Variants in ME3 observed in about 807,000 individuals in gnomAD.
ME3 encodes the protein NADP-dependent malic enzyme, mitochondrial.
Under a neutral mutation model 68.9 loss-of-function variants are expected in ME3, and 48 were observed. That is an observed-to-expected ratio of 0.70 (90% CI 0.55 to 0.89). The LOEUF (loss-of-function observed/expected upper bound fraction) is 0.89, where lower values mean the gene tolerates loss of function less well. ME3 is among the 40% of genes least tolerant of loss of function. The pLI is 0.00. For synonymous variants in ME3, 320 were observed against 318.8 expected (o/e 1.00, Z -0.04); for missense variants, 675 against 797.4 (o/e 0.85, Z 1.85).
chr11:86,633,859 G>A (rs1052731135), intron 2 of ME3, among the ~76,000 whole-genome samples: 8 of 152,132 alleles, frequency 5.3e-5, no homozygotes, highest in South Asian at 2.1e-4. Flanking sequence ...TGGGCTCAAC[G>A]CAGTTAAATG....
intron 2 of ME3, among the ~76,000 whole-genome samples, chr11:86,626,001 C>T (rs1189206358): frequency 6.6e-6 from 1 of 152,138 alleles, no homozygotes; most frequent in East Asian, 1.9e-4. Context: ...AGTATTCATC[C>T]ATATTTTCAC....
At chr11:86,621,020 G>T (rs1262451996) in intron 2 of ME3, among the ~76,000 whole-genome samples, 1 of 152,136 alleles carries the variant, frequency 6.6e-6, no homozygotes, top group East Asian at 1.9e-4. Context: ...CCAAAGTAAG[G>T]TCTGGGTTGG....
chr11:86,515,328 T>C (rs1953816841), intron 4 of ME3, among the ~76,000 whole-genome samples: 1 of 152,226 alleles, frequency 6.6e-6, no homozygotes, highest in African/African-American at 2.4e-5. Context: ...CATAATGCTC[T>C]TGCAACACTA....
At chr11:86,664,648 A>G (rs1206570822) in intron 2 of ME3, among the ~76,000 whole-genome samples, 2 of 152,180 alleles carry the variant, frequency 1.3e-5, no homozygotes, top group African/African-American at 2.4e-5. Flanking sequence ...AAATACAGAA[A>G]TTCCGAGCAG....
intron 2 of ME3, among the ~76,000 whole-genome samples, chr11:86,608,204 TGCA>T (rs1412213955): frequency 6.6e-6 from 1 of 152,184 alleles, no homozygotes; most frequent in African/African-American, 2.4e-5. Flanking sequence ...AAAGTTCAGC[TGCA>T]GCTCATTATT....
intron 4 of ME3, among the ~76,000 whole-genome samples, chr11:86,528,210 T>C (rs997638086): frequency 5.9e-5 from 9 of 152,132 alleles, no homozygotes; most frequent in African/African-American, 1.9e-4. Flanking sequence ...GCAATCCTAA[T>C]CTCTGATAAA....
chr11:86,471,229 G>A (rs1450911038), intron 7 of ME3, among the ~76,000 whole-genome samples: 1 of 134,804 alleles, frequency 7.4e-6, no homozygotes, highest in Non-Finnish European at 1.5e-5. Flanking sequence ...TCCACCTCCC[G>A]GGTTCAAGCA....
intron 2 of ME3, among the ~76,000 whole-genome samples, chr11:86,640,665 C>T (rs17149245): frequency 0.095 from 14,397 of 152,310 alleles, 703 homozygotes; most frequent in South Asian, 0.13. Flanking sequence ...AGCTATCTCA[C>T]TTTGCCTCTT....
At chr11:86,483,612 A>C (rs751911) in intron 7 of ME3, among the ~76,000 whole-genome samples, 4,165 of 152,284 alleles carry the variant, frequency 0.027, 73 homozygotes, top group Middle Eastern at 0.034. Context: ...CCTAGAGCTA[A>C]AAAGTAGATG....
At chr11:86,488,195 A>G (rs1347413931) in intron 6 of ME3, among the ~76,000 whole-genome samples, 6 of 152,160 alleles carry the variant, frequency 3.9e-5, no homozygotes, top group South Asian at 4.1e-4. Flanking sequence ...AAAAGAAGAA[A>G]AAATGAATGT....
chr11:86,527,085 C>T (rs1003516297), intron 4 of ME3, among the ~76,000 whole-genome samples: 4 of 152,108 alleles, frequency 2.6e-5, no homozygotes, highest in African/African-American at 4.8e-5. Context: ...GGAGGAAGTT[C>T]GAACCCATGG....
chr11:86,475,376 T>C (rs747832058), intron 7 of ME3, among the ~76,000 whole-genome samples: 4 of 152,192 alleles, frequency 2.6e-5, no homozygotes, highest in Non-Finnish European at 5.9e-5. Flanking sequence ...TGAGGCCTTC[T>C]TAGAAGCTGA....
At chr11:86,640,429 A>G (rs1273121118) in intron 2 of ME3, among the ~76,000 whole-genome samples, 4 of 152,210 alleles carry the variant, frequency 2.6e-5, no homozygotes, top group African/African-American at 7.2e-5. Flanking sequence ...CATGGTCTGT[A>G]AAGGTAAGTG....
chr11:86,573,930 C>T (rs1261730815), intron 2 of ME3, among the ~76,000 whole-genome samples: 3 of 152,012 alleles, frequency 2.0e-5, no homozygotes, highest in African/African-American at 2.4e-5. Context: ...TGATATGTTG[C>T]GTTTATTGAT....
intron 1 of ME3, 165 bp from the exon 2 acceptor site, chr11:86,672,123 C>G (rs1056450913): frequency 3.5e-6 from 2 of 573,906 alleles, no homozygotes; most frequent in Non-Finnish European, 5.4e-6. Context: ...CTGCCACCTG[C>G]TCGGCTCCGC....
intron 4 of ME3, among the ~76,000 whole-genome samples, chr11:86,524,842 C>A (rs908236696): frequency 6.6e-6 from 1 of 152,194 alleles, no homozygotes; most frequent in Non-Finnish European, 1.5e-5. Context: ...GATTACTCAT[C>A]AGATGCAATT....
In ME3 at chr11:86,455,228, G is replaced by A. The variant is rs912342798; in HGVS notation, c.920-4830C>T. Among the ~76,000 whole-genome samples, 8 of 152,310 alleles carry A rather than the reference G, an allele frequency of 5.3e-5. No homozygotes were observed. In the South Asian group the frequency reaches 1.5e-3, roughly 28 times the overall value. ...GACAGGCACCATGCTAGGCACTGTCGAAGACAGATGAATCAAACATGATCC... is the reference window on the plus strand; with the variant it reads ...GACAGGCACCATGCTAGGCACTGTCAAAGACAGATGAATCAAACATGATCC... On this transcript the variant is annotated intron_variant, in intron 8 of 14. Coordinates refer to ENST00000543262, the Ensembl canonical transcript of ME3.
intron 6 of ME3, among the ~76,000 whole-genome samples, chr11:86,492,487 C>A (rs1237381716): frequency 6.6e-6 from 1 of 152,226 alleles, no homozygotes; most frequent in East Asian, 1.9e-4. Context: ...CAGGACTCTT[C>A]CCAGGGTGGG....
At chr11:86,498,854 A>G (rs1201282846) in intron 5 of ME3, among the ~76,000 whole-genome samples, 2 of 152,218 alleles carry the variant, frequency 1.3e-5, no homozygotes, top group African/African-American at 4.8e-5. Context: ...TTTAATACAT[A>G]TTTATGAAGC....
Sources: gnomAD v4.1 joint callset for allele counts (sites outside exome capture counted in the v4.1 genomes callset) on GRCh38, gnomAD v4.1.1 for gene constraint, MANE v1.5 for transcripts, NCBI Gene and HGNC (gene_info 2026-07-23, HGNC 2026-07-21) for gene names.